Variants in DLGAP2 observed in about 807,000 individuals in gnomAD.
DLGAP2 encodes the protein DLG associated protein 2.
Under a neutral mutation model 100.3 loss-of-function variants are expected in DLGAP2, and 26 were observed. The ratio of observed to expected loss-of-function variants is 0.26; its 90% CI spans 0.19 to 0.36. DLGAP2 has a LOEUF of 0.36. Among genes scored for constraint, DLGAP2 ranks in the 10% least tolerant of loss-of-function variants. DLGAP2 has a pLI of 1.00. For synonymous variants in DLGAP2, 886 were observed against 630.1 expected (o/e 1.41, Z -6.08); for missense variants, 1,858 against 1,453.2 (o/e 1.28, Z -4.53).
intron 2 of DLGAP2, among the ~76,000 whole-genome samples, chr8:1,093,429 A>G: frequency 6.6e-6 from 1 of 151,184 alleles, no homozygotes; most frequent in East Asian, 2.0e-4. Flanking sequence ...ACACCTTCAC[A>G]CCGACAGTCA....
At chr8:1,063,561 A>C (rs1430227906) in intron 2 of DLGAP2, among the ~76,000 whole-genome samples, 2 of 151,644 alleles carry the variant, frequency 1.3e-5, no homozygotes, top group Non-Finnish European at 2.9e-5. Flanking sequence ...CCTCGTGCAA[A>C]AATATGCACC....
At chr8:871,683 G>C (rs1797600695) in intron 1 of DLGAP2, among the ~76,000 whole-genome samples, 1 of 151,904 alleles carries the variant, frequency 6.6e-6, no homozygotes, top group Non-Finnish European at 1.5e-5. Context: ...GATAAGTATA[G>C]TCCATATCTT....
intron 5 of DLGAP2, among the ~76,000 whole-genome samples, chr8:1,556,519 T>C (rs1210432678): frequency 6.6e-6 from 1 of 152,204 alleles, no homozygotes; most frequent in Non-Finnish European, 1.5e-5. Context: ...CTGTTCCCGC[T>C]GAGTCTGTGT....
At chr8:1,073,628 C>T (rs1369943944) in intron 2 of DLGAP2, among the ~76,000 whole-genome samples, 2 of 152,170 alleles carry the variant, frequency 1.3e-5, no homozygotes, top group South Asian at 2.1e-4. Flanking sequence ...GTGGCACAGA[C>T]ATGTGGAAGG....
chr8:1,172,125 T>G (rs1000064697), intron 2 of DLGAP2, among the ~76,000 whole-genome samples: 1 of 151,548 alleles, frequency 6.6e-6, no homozygotes, highest in Non-Finnish European at 1.5e-5. Flanking sequence ...AAGTATTTTA[T>G]TTCTCCTTCA....
At chr8:871,298 C>A (rs149458036) in intron 1 of DLGAP2, among the ~76,000 whole-genome samples, 1 of 152,202 alleles carries the variant, frequency 6.6e-6, no homozygotes, top group Admixed American at 6.5e-5. Flanking sequence ...TCTGTCCAAA[C>A]TGTTAGTTGA....
At chr8:877,948 C>G (rs1229976913) in intron 1 of DLGAP2, among the ~76,000 whole-genome samples, 1 of 152,226 alleles carries the variant, frequency 6.6e-6, no homozygotes, top group African/African-American at 2.4e-5. Context: ...AGAGAGCAGA[C>G]TTGGTTCAAA....
intron 1 of DLGAP2, among the ~76,000 whole-genome samples, chr8:802,874 C>T (rs926786424): frequency 6.4e-4 from 98 of 152,128 alleles, no homozygotes; most frequent in African/African-American, 2.3e-3. Flanking sequence ...GAGCAGACTC[C>T]GAGCAGAGTG....
chr8:1,478,569 C>G (rs1354435231), intron 3 of DLGAP2, among the ~76,000 whole-genome samples: 1 of 152,090 alleles, frequency 6.6e-6, no homozygotes, highest in African/African-American at 2.4e-5. Context: ...GTCAAACCAA[C>G]AGAATAGATC....
chr8:1,103,022 G>T lies in DLGAP2; in HGVS notation c.74-155829G>T, dbSNP rs1440806081. 3.3e-5 allele frequency among the ~76,000 whole-genome samples: 5 copies of T among 151,872 alleles called. No homozygotes were observed. The South Asian group carries it at 1.1e-3, about 32-fold the overall frequency. ...CTGTGGTTCCCTATGAGTCTCTGGA[G>T]TCTCTGTGGTTCCCTATGAGTCTCT... On this transcript the variant is annotated intron_variant, in intron 2 of 14. Coordinates refer to ENST00000637795, the MANE Select transcript of DLGAP2 (RefSeq NM_001346810.2).
intron 3 of DLGAP2, among the ~76,000 whole-genome samples, chr8:1,358,657 A>G (rs1200734306): frequency 6.6e-6 from 1 of 152,160 alleles, no homozygotes; most frequent in Non-Finnish European, 1.5e-5. Context: ...GCCGTGGTGA[A>G]GAAGGCTTCT....
At chr8:897,786 T>C (rs1352041192) in intron 1 of DLGAP2, among the ~76,000 whole-genome samples, 1 of 152,190 alleles carries the variant, frequency 6.6e-6, no homozygotes, top group African/African-American at 2.4e-5. Context: ...GGCTTTTCCT[T>C]ATGACACTGA....
At chr8:1,494,018 G>C (rs961960595) in intron 3 of DLGAP2, among the ~76,000 whole-genome samples, 1 of 148,574 alleles carries the variant, frequency 6.7e-6, no homozygotes, top group Non-Finnish European at 1.5e-5. Flanking sequence ...GAGGACGCAG[G>C]GCCCCTGCCC....
chr8:739,318 C>G (rs944940477), intron 1 of DLGAP2: 3 of 152,278 alleles, frequency 2.0e-5, no homozygotes, highest in Admixed American at 1.3e-4. Flanking sequence ...TGGCGGAGCC[C>G]GACAATCCGC....
chr8:971,767 G>C (rs940837983), intron 2 of DLGAP2, among the ~76,000 whole-genome samples: 15 of 152,262 alleles, frequency 9.9e-5, no homozygotes, highest in African/African-American at 3.6e-4. Flanking sequence ...TGTTTTTCAA[G>C]CCTCACAGAC....
At chr8:1,330,143 A>T (rs1455504566) in intron 3 of DLGAP2, among the ~76,000 whole-genome samples, 1 of 152,050 alleles carries the variant, frequency 6.6e-6, no homozygotes, top group African/African-American at 2.4e-5. Flanking sequence ...GGGAGTGAGG[A>T]GGTGGTGGCA....
intron 2 of DLGAP2, among the ~76,000 whole-genome samples, chr8:1,186,867 C>T (rs1261091990): frequency 6.6e-6 from 1 of 152,130 alleles, no homozygotes; most frequent in Non-Finnish European, 1.5e-5. Context: ...CCTTCACATG[C>T]CCCCACGTCT....
chr8:1,352,446 G>C (rs1209182591), intron 3 of DLGAP2, among the ~76,000 whole-genome samples: 1 of 152,080 alleles, frequency 6.6e-6, no homozygotes. Context: ...CCCTTCCTGG[G>C]GTCACCGCTG....
intron 1 of DLGAP2, among the ~76,000 whole-genome samples, chr8:764,274 G>A (rs543466765): frequency 3.3e-5 from 5 of 152,264 alleles, no homozygotes; most frequent in South Asian, 4.1e-4. Context: ...GAAGTGTGGG[G>A]TACAACATTT....
Sources: allele counts gnomAD v4.1 joint callset (sites outside exome capture counted in the v4.1 genomes callset), GRCh38; gene constraint gnomAD v4.1.1; transcripts MANE v1.5; gene names NCBI Gene and HGNC (gene_info 2026-07-23, HGNC 2026-07-21).